THRB: variants seen among roughly 807,000 people sequenced by gnomAD.
THRB encodes the protein thyroid hormone receptor beta.
THRB carries 12 observed loss-of-function variants against 47.8 expected under a neutral mutation model. That is an observed-to-expected ratio of 0.25 (90% CI 0.16 to 0.41). The LOEUF (loss-of-function observed/expected upper bound fraction) is 0.41, where lower values mean the gene tolerates loss of function less well. Ranked by LOEUF, THRB falls within the 10% of genes least tolerant of loss-of-function variation. THRB has a pLI of 1.00. For synonymous variants in THRB, 218 were observed against 212.2 expected, an observed-to-expected ratio of 1.03 and a Z score of -0.24; for missense variants, 348 against 589.2, an observed-to-expected ratio of 0.59 and a Z score of 4.24.
chr3:24,425,413 C>T (rs2069657834), intron 1 of THRB, among the ~76,000 whole-genome samples: 1 of 151,460 alleles, frequency 6.6e-6, no homozygotes, highest in South Asian at 2.1e-4. Context: ...ATTATTTGTC[C>T]ATTTTTAAAA....
intron 2 of THRB, among the ~76,000 whole-genome samples, chr3:24,322,924 G>T (rs897457851): frequency 5.3e-5 from 8 of 152,136 alleles, no homozygotes; most frequent in African/African-American, 1.9e-4. Context: ...CGATTTGGGT[G>T]CTAATAAATG....
intron 5 of THRB, among the ~76,000 whole-genome samples, chr3:24,183,058 A>G (rs968115391): frequency 2.0e-5 from 3 of 152,112 alleles, no homozygotes; most frequent in African/African-American, 4.8e-5. Flanking sequence ...TAAATTTTAA[A>G]AGAGTCTGAG....
chr3:24,279,669 A>G (rs2054332341), intron 3 of THRB, among the ~76,000 whole-genome samples: 1 of 151,718 alleles, frequency 6.6e-6, no homozygotes, highest in African/African-American at 2.4e-5. Flanking sequence ...TGCTGGGATT[A>G]CAGGCGTGAG....
At chr3:24,166,446 A>T (rs1267303309) in intron 5 of THRB, among the ~76,000 whole-genome samples, 3 of 152,192 alleles carry the variant, frequency 2.0e-5, no homozygotes, top group African/African-American at 7.2e-5. Context: ...AGTGGTATTC[A>T]TGTACTTACT....
At position 24,454,710 on chromosome 3, in the gene THRB, C is replaced by G. The variant is rs774946860; in HGVS notation, c.-261+39942G>C. On this transcript the variant is annotated intron_variant, in intron 1 of 10. Transcript: ENST00000646209. The stretch of plus-strand genomic sequence containing the variant: ...TAATCTCTCTCTCTTCTCATAATTC[C>G]TAGTCTTTTTGTCTTTTTCTATAGA... Among the ~76,000 whole-genome samples, 36 of 152,132 alleles carry G rather than the reference C, an allele frequency of 2.4e-4. No homozygotes were observed. The Middle Eastern group carries it at 0.014, about 57-fold the overall frequency.
chr3:24,263,158 T>G (rs1450038233), intron 3 of THRB, among the ~76,000 whole-genome samples: 1 of 152,246 alleles, frequency 6.6e-6, no homozygotes, highest in Non-Finnish European at 1.5e-5. Flanking sequence ...TAAAATATTT[T>G]GCTACTTTTG....
chr3:24,295,046 C>G (rs1217712033), intron 3 of THRB, among the ~76,000 whole-genome samples: 1 of 152,180 alleles, frequency 6.6e-6, no homozygotes, highest in Non-Finnish European at 1.5e-5. Context: ...AACTATGATA[C>G]CAACTCAAAT....
At chr3:24,469,738 G>A (rs1415746124) in intron 1 of THRB, among the ~76,000 whole-genome samples, 2 of 152,218 alleles carry the variant, frequency 1.3e-5, no homozygotes, top group Admixed American at 1.3e-4. Context: ...AGAGAAAAGT[G>A]TTGAAGAGCA....
intron 2 of THRB, among the ~76,000 whole-genome samples, chr3:24,303,765 T>C (rs947450441): frequency 5.9e-5 from 9 of 152,236 alleles, no homozygotes; most frequent in African/African-American, 2.2e-4. Context: ...CTTTATCATG[T>C]TTAAGTGAAA....
chr3:24,133,352 C>T lies in THRB; in HGVS notation c.849G>A (p.Val283=), dbSNP rs757595312. The change falls in exon 9 of 11, where the codon GTG becomes GTA. Residue 283 remains valine (V), a synonymous_variant. Coordinates refer to ENST00000646209, the MANE Select transcript of THRB (RefSeq NM_001354712.2). ...TAGGCAACTTTTTGGCAAAATCCAC[C>T]ACTCTGGTAATTGCTGGTGTGATGA... The part of the protein sequence containing the change: ...TKIITPAITR[V]VDFAKKLPMF... 4 of 1,614,128 alleles carry T rather than the reference C, an allele frequency of 2.5e-6. No individual in the cohort carries two copies. In the Admixed American group the frequency reaches 6.7e-5, roughly 27 times the overall value.
At chr3:24,124,388 A>G (rs1299225099) in intron 10 of THRB, among the ~76,000 whole-genome samples, 1 of 152,186 alleles carries the variant, frequency 6.6e-6, no homozygotes, top group African/African-American at 2.4e-5. Flanking sequence ...TTGAGTGTGC[A>G]AGAATTTTCC....
intron 1 of THRB, among the ~76,000 whole-genome samples, chr3:24,409,231 C>T (rs1397075609): frequency 6.6e-6 from 1 of 151,724 alleles, no homozygotes. Flanking sequence ...GATAAAGGCC[C>T]CACTGTAAGT....
chr3:24,310,187 C>A (rs1199295172), intron 2 of THRB, among the ~76,000 whole-genome samples: 1 of 152,152 alleles, frequency 6.6e-6, no homozygotes, highest in East Asian at 1.9e-4. Flanking sequence ...ACTGTTTAAT[C>A]TTTGTGAACT....
At chr3:24,126,493 A>G (rs2032838347) in intron 10 of THRB, among the ~76,000 whole-genome samples, 2 of 152,224 alleles carry the variant, frequency 1.3e-5, no homozygotes, top group Non-Finnish European at 2.9e-5. Context: ...CATTTATCCA[A>G]TAAGCATTTC....
intron 3 of THRB, among the ~76,000 whole-genome samples, chr3:24,265,004 G>A (rs1054213493): frequency 1.3e-5 from 2 of 152,098 alleles, no homozygotes; most frequent in African/African-American, 4.8e-5. Context: ...ATAAAGCAGA[G>A]TAATTAGACA....
chr3:24,118,490 A>G lies in THRB; in HGVS notation c.*4394T>C, dbSNP rs920772691. 5.9e-5 allele frequency: 9 copies of G among 152,680 alleles called. No homozygotes were observed. The East Asian group carries it at 1.5e-3, about 26-fold the overall frequency. The allele number at this position is 152,680 out of a possible 1,614,324, so 9.5% of individuals were successfully genotyped here. A position where few individuals can be genotyped will look rare whatever the true frequency, so the allele number is the denominator to read the frequency against. On this transcript the variant is annotated 3_prime_UTR_variant, in exon 11 of 11. Transcript: ENST00000646209. The stretch of plus-strand genomic sequence containing the variant: ...TGTAAATCTTTTTCTATTCTGTAGT[A>G]TTTTTCTGATTCTCAGGGCATGAAA...
At chr3:24,125,270 C>T (rs538913503) in intron 10 of THRB, among the ~76,000 whole-genome samples, 3 of 152,310 alleles carry the variant, frequency 2.0e-5, no homozygotes, top group Non-Finnish European at 2.9e-5. Flanking sequence ...CTGAGATCCA[C>T]TCTCTCTTTG....
intron 1 of THRB, among the ~76,000 whole-genome samples, chr3:24,492,419 G>A (rs746712050): frequency 6.6e-6 from 1 of 152,192 alleles, no homozygotes; most frequent in Non-Finnish European, 1.5e-5. Flanking sequence ...ATGAGGGACC[G>A]CCTTTGCTCA....
intron 1 of THRB, among the ~76,000 whole-genome samples, chr3:24,490,252 T>C (rs1425235666): frequency 6.6e-6 from 1 of 152,160 alleles, no homozygotes; most frequent in African/African-American, 2.4e-5. Flanking sequence ...TGACTTTAAA[T>C]AAAACAAGGA....
Sources: allele counts gnomAD v4.1 joint callset (sites outside exome capture counted in the v4.1 genomes callset), GRCh38; gene constraint gnomAD v4.1.1; transcripts MANE v1.5; gene names NCBI Gene and HGNC (gene_info 2026-07-23, HGNC 2026-07-21).